DAPK2: variants seen among roughly 807,000 people sequenced by gnomAD.
The protein encoded by DAPK2 is death-associated protein kinase 2.
Under a neutral mutation model 44.1 loss-of-function variants are expected in DAPK2, and 35 were observed. The observed-to-expected ratio is 0.79, with a 90% CI of 0.61 to 1.05. DAPK2 has a LOEUF of 1.05. Among genes scored for constraint, DAPK2 ranks in the 50% least tolerant of loss-of-function variants. The pLI is 0.00. For synonymous variants in DAPK2, 174 were observed against 182.6 expected, an observed-to-expected ratio of 0.95 and a Z score of 0.38; for missense variants, 453 against 483.2, an observed-to-expected ratio of 0.94 and a Z score of 0.59.
intron 1 of DAPK2, among the ~76,000 whole-genome samples, chr15:63,994,410 AAAGG>A (rs56254515): frequency 0.23 from 32,650 of 141,194 alleles, 4,019 homozygotes; most frequent in South Asian, 0.39. Flanking sequence ...TGTTAAAAGA[AAAGG>A]AAGGAAGGAA....
chr15:63,971,671 A>G (rs2078217568), intron 2 of DAPK2, 110 bp from the exon 4 acceptor site: 2 of 1,179,126 alleles, frequency 1.7e-6, no homozygotes, highest in Non-Finnish European at 2.4e-6. Context: ...GGGACCTTGT[A>G]TGGCAGAATC....
At chr15:63,978,956 G>A (rs1459501301) in intron 2 of DAPK2, among the ~76,000 whole-genome samples, 1 of 152,190 alleles carries the variant, frequency 6.6e-6, no homozygotes, top group Non-Finnish European at 1.5e-5. Context: ...GCAGCGATAG[G>A]GGAAAAATGC....
chr15:63,913,361 A>G (rs994945052), intron 8 of DAPK2, among the ~76,000 whole-genome samples: 1 of 152,246 alleles, frequency 6.6e-6, no homozygotes, highest in African/African-American at 2.4e-5. Context: ...TATATAAATT[A>G]TAACTCAATT....
intron 1 of DAPK2, among the ~76,000 whole-genome samples, chr15:64,035,037 G>T (rs376166412): frequency 6.6e-6 from 1 of 151,974 alleles, no homozygotes; most frequent in South Asian, 2.1e-4. Context: ...GCATGGTGGC[G>T]TGTGCCTGTA....
chr15:64,036,314 T>TATATATATATATAC (rs2080190792), intron 1 of DAPK2, among the ~76,000 whole-genome samples: 1 of 111,706 alleles, frequency 9.0e-6, no homozygotes, highest in African/African-American at 3.0e-5. Flanking sequence ...TGTGTGTATA[T>TATATATATATATAC]ATATGTATAT....
chr15:64,042,492 G>T (rs1320405004), upstream of DAPK2, among the ~76,000 whole-genome samples: 2 of 152,196 alleles, frequency 1.3e-5, no homozygotes, highest in African/African-American at 4.8e-5. The surrounding 1 kb of genome is among the most constrained non-coding windows in gnomAD (Gnocchi z 4.7). Flanking sequence ...CCCAGGAACA[G>T]CTAAGATCTC....
intron 1 of DAPK2, among the ~76,000 whole-genome samples, chr15:64,003,736 G>GCTGGGATTA (rs1359269164): frequency 1.3e-5 from 2 of 152,200 alleles, no homozygotes; most frequent in Non-Finnish European, 2.9e-5. Flanking sequence ...CTCCAGAGTA[G>GCTGGGATTA]CTGGGATTAC....
intron 3 of DAPK2, among the ~76,000 whole-genome samples, chr15:63,942,985 G>A (rs2140472273): frequency 1.3e-5 from 2 of 152,176 alleles, no homozygotes; most frequent in South Asian, 4.1e-4. Flanking sequence ...TGTGCCCCAA[G>A]TGAAGACAGG....
At chr15:63,910,488 C>T (rs1170455122) in intron 10 of DAPK2, 1 of 152,246 alleles carries the variant, frequency 6.6e-6, no homozygotes, top group East Asian at 1.9e-4. Flanking sequence ...GTCCAGGGAA[C>T]CCCTACCAAC....
chr15:64,031,109 T>C lies in DAPK2; in HGVS notation c.92+9061A>G, dbSNP rs150335976. 3.3e-3 allele frequency among the ~76,000 whole-genome samples: 508 copies of C among 152,258 alleles called. 3 individuals carry two copies. Among genetic ancestry groups the C allele is most frequent in the Non-Finnish European group, 4.2e-3 (288 of 68,024 alleles). On this transcript the variant is annotated intron_variant, in intron 1 of 10. Coordinates refer to ENST00000261891, the Ensembl canonical transcript of DAPK2. ...CTGCCTTGTTTAAAGTGTGTGACCATGAATACTTTATTTAACTTCTCTGAG... is the reference window on the plus strand; with the variant it reads ...CTGCCTTGTTTAAAGTGTGTGACCACGAATACTTTATTTAACTTCTCTGAG...
intron 4 of DAPK2, among the ~76,000 whole-genome samples, chr15:63,936,541 G>A (rs2077156481): frequency 6.6e-6 from 1 of 152,114 alleles, no homozygotes; most frequent in Admixed American, 6.5e-5. Flanking sequence ...AACCCAGGAG[G>A]CGGAGGTTGC....
At chr15:64,002,849 A>G (rs1471031300) in intron 1 of DAPK2, among the ~76,000 whole-genome samples, 1 of 152,008 alleles carries the variant, frequency 6.6e-6, no homozygotes, top group Non-Finnish European at 1.5e-5. Context: ...TAAACAAAGA[A>G]TCGCCTAATT....
Position 63,923,896 on chromosome 15 carries a change from T to C in DAPK2, c.858+920A>G, listed in dbSNP as rs2079162439. Among the ~76,000 whole-genome samples, 1 of 152,232 alleles carries C rather than the reference T, an allele frequency of 6.6e-6. No individual in the cohort carries two copies. The highest frequency in any genetic ancestry group is 1.5e-5 in the Non-Finnish European group (1 of 68,034). On this transcript the variant is annotated intron_variant, in intron 8 of 10. Transcript: ENST00000261891. This position sits in a 1 kb window ranked among gnomAD's most constrained non-coding sequence, Gnocchi z 4.2. ...TGGGGTCTTGGCATGTTGCTCAAGT[T>C]GGTCTTGAACTCCTGGGCTCAAGTC...
At chr15:63,971,863 A>G (rs2078222650) in intron 2 of DAPK2, among the ~76,000 whole-genome samples, 1 of 152,232 alleles carries the variant, frequency 6.6e-6, no homozygotes. Flanking sequence ...TCTCCCCTCC[A>G]TATGCCTGAG....
rs202114047 is a variant in DAPK2 at position 63,926,000 on chromosome 15, G to A, written c.753C>T (p.Phe251=). Residue 251 remains phenylalanine (F), a synonymous_variant, in exon 7 of 11, where the codon TTC becomes TTT. Transcript: ENST00000261891. ...CCTTGGCCAGCTCGCTCGTCTGGCT[G>A]AAGAATTCCTCATCAAAGTCGTAAC... The A allele has an allele frequency of 5.6e-6, 9 of 1,614,206 alleles. No homozygotes were observed. The East Asian group carries it at 1.8e-4, about 32-fold the overall frequency.
chr15:64,044,944 G>A (rs1004669519), upstream of DAPK2, among the ~76,000 whole-genome samples: 1 of 152,214 alleles, frequency 6.6e-6, no homozygotes, highest in African/African-American at 2.4e-5. Flanking sequence ...ATGGGGCTCC[G>A]GCATTACAGA....
intron 1 of DAPK2, among the ~76,000 whole-genome samples, chr15:63,996,760 T>A (rs539525506): frequency 1.3e-5 from 2 of 152,266 alleles, no homozygotes; most frequent in Non-Finnish European, 2.9e-5. Context: ...AGTCCCAAAG[T>A]GTGAAAGGCT....
chr15:63,926,170 G>GCCCCATGA lies in DAPK2; in HGVS notation c.660-85_660-78dup, dbSNP rs1372067321. 2.7e-6 allele frequency: 4 copies of GCCCCATGA among 1,503,098 alleles called. No homozygotes were observed. The African/African-American group carries it at 4.2e-5, about 16-fold the overall frequency. The allele number at this position is 1,503,098 out of a possible 1,614,324, so 93.1% of individuals were successfully genotyped here. On this transcript the variant is annotated intron_variant, in intron 6 of 10. Coordinates refer to ENST00000261891, the Ensembl canonical transcript of DAPK2. ...GGGGATTACGGACTCGGGGAACCCT[G>GCCCCATGA]CCCCATGACTGCTGCAGGGAGCTGG... is the stretch of plus-strand genomic sequence containing the variant.
chr15:63,946,984 AG>A (rs1157579091), intron 3 of DAPK2, among the ~76,000 whole-genome samples: 1 of 152,172 alleles, frequency 6.6e-6, no homozygotes, highest in Non-Finnish European at 1.5e-5. Context: ...ATGGGACCAC[AG>A]CCAGCCCCTC....
Sources: allele counts gnomAD v4.1 joint callset (sites outside exome capture counted in the v4.1 genomes callset), GRCh38; gene constraint gnomAD v4.1.1; non-coding constraint Gnocchi (gnomAD v3.1); transcripts MANE v1.5; gene names NCBI Gene and HGNC (gene_info 2026-07-23, HGNC 2026-07-21).